Variants in NEGR1 observed in about 807,000 individuals in gnomAD.
NEGR1 encodes the protein neuronal growth regulator 1.
In NEGR1, 10 loss-of-function variants were observed where a neutral mutation model predicts 40.9. That is an observed-to-expected ratio of 0.24 (90% CI 0.15 to 0.42). The LOEUF (loss-of-function observed/expected upper bound fraction) is 0.42, where lower values mean the gene tolerates loss of function less well. NEGR1 is among the 10% of genes least tolerant of loss of function. The probability of loss-of-function intolerance (pLI) is 1.00; values close to 1 mark genes in which losing one functional copy is unlikely to be tolerated. For synonymous variants in NEGR1, 185 were observed against 166.8 expected, an observed-to-expected ratio of 1.11 and a Z score of -0.84; for missense variants, 352 against 438.9, an observed-to-expected ratio of 0.80 and a Z score of 1.77.
At chr1:71,953,183 A>T (rs1332160325) in intron 1 of NEGR1, among the ~76,000 whole-genome samples, 1 of 151,998 alleles carries the variant, frequency 6.6e-6, no homozygotes, top group Non-Finnish European at 1.5e-5. Flanking sequence ...TATTGTTTCC[A>T]CAGATAGTGA....
intron 4 of NEGR1, among the ~76,000 whole-genome samples, chr1:71,627,663 C>A (rs953871500): frequency 2.0e-5 from 3 of 151,998 alleles, no homozygotes; most frequent in African/African-American, 7.2e-5. Flanking sequence ...AAGAAAGACT[C>A]TTCATGTACA....
At chr1:71,627,110 T>C (rs1055797008) in intron 4 of NEGR1, among the ~76,000 whole-genome samples, 11 of 152,118 alleles carry the variant, frequency 7.2e-5, no homozygotes, top group Non-Finnish European at 1.6e-4. Flanking sequence ...GATCTAGAGC[T>C]AGAAATACCA....
At position 71,404,595 on chromosome 1, in the gene NEGR1, T is replaced by TC. The variant is rs1646266507; in HGVS notation, c.*2850_*2851insG. 2 of 151,088 alleles carry TC rather than the reference T, an allele frequency of 1.3e-5. No individual in the cohort carries two copies. Among genetic ancestry groups the TC allele is most frequent in the South Asian group, 2.1e-4 (1 of 4,782 alleles). 9.4% of individuals were successfully genotyped at this position (151,088 alleles called of 1,614,324 possible). A position where few individuals can be genotyped will look rare whatever the true frequency, so the allele number is the denominator to read the frequency against. Reference sequence around the variant, plus strand: ...TTCATTCCTTCCATCCTTCCTTTTTTTCCCTCTTTACTGCCTTTCCTTTTC... The same window carrying TC: ...TTCATTCCTTCCATCCTTCCTTTTTTCTCCCTCTTTACTGCCTTTCCTTTTC... On this transcript the variant is annotated 3_prime_UTR_variant, in exon 7 of 7. Coordinates refer to ENST00000357731, the MANE Select transcript of NEGR1 (RefSeq NM_173808.3).
chr1:71,738,348 C>A, intron 3 of NEGR1: 2 of 231,886 alleles, frequency 8.6e-6, no homozygotes, highest in South Asian at 8.1e-5. Flanking sequence ...AGAAACATCC[C>A]CAGTGACAAC....
At chr1:72,139,093 A>T (rs1295782355) in intron 1 of NEGR1, among the ~76,000 whole-genome samples, 2 of 37,978 alleles carry the variant, frequency 5.3e-5, no homozygotes, top group Admixed American at 4.5e-4. Context: ...TAAATAGCTC[A>T]TGAGTCAAAA....
intron 3 of NEGR1, among the ~76,000 whole-genome samples, chr1:71,733,087 T>TTC (rs397974786): frequency 5.3e-5 from 8 of 151,410 alleles, no homozygotes; most frequent in African/African-American, 1.9e-4. Context: ...TTTTTTTTTT[T>TTC]CCTACAGATC....
In NEGR1 at chr1:71,707,645, G is replaced by A. The variant is rs538045627; in HGVS notation, c.536-9506C>T. Among the ~76,000 whole-genome samples, 18 of 152,256 alleles carry A rather than the reference G, an allele frequency of 1.2e-4. No homozygotes were observed. The East Asian group carries it at 2.5e-3, about 21-fold the overall frequency. On this transcript the variant is annotated intron_variant, in intron 3 of 6. Coordinates refer to ENST00000357731, the MANE Select transcript of NEGR1 (RefSeq NM_173808.3). ...GCTGACTATAGAGCCCCAGGGCTGT[G>A]AGTGAACACAGGCGGTAGCCAGGGA...
At chr1:71,621,321 T>A (rs2101553375) in intron 4 of NEGR1, among the ~76,000 whole-genome samples, 1 of 151,940 alleles carries the variant, frequency 6.6e-6, no homozygotes, top group Non-Finnish European at 1.5e-5. Context: ...ATAAGAGGCT[T>A]GGGTTCAATG....
chr1:72,142,574 G>T (rs1023730235), intron 1 of NEGR1, among the ~76,000 whole-genome samples: 1 of 151,690 alleles, frequency 6.6e-6, no homozygotes, highest in African/African-American at 2.4e-5. Context: ...TAGACAGATA[G>T]TGATAGAACA....
intron 1 of NEGR1, among the ~76,000 whole-genome samples, chr1:72,038,458 A>C (rs888819398): frequency 1.3e-5 from 2 of 152,040 alleles, no homozygotes; most frequent in Non-Finnish European, 2.9e-5. Flanking sequence ...GTTACTCAGT[A>C]AGAAAGGTTA....
chr1:72,253,892 T>G (rs1655181290), intron 1 of NEGR1, among the ~76,000 whole-genome samples: 1 of 152,214 alleles, frequency 6.6e-6, no homozygotes, highest in Non-Finnish European at 1.5e-5. Flanking sequence ...AGACACTAAC[T>G]GAAGCTGAAA....
At chr1:71,705,372 A>G (rs1653853124) in intron 3 of NEGR1, among the ~76,000 whole-genome samples, 1 of 152,226 alleles carries the variant, frequency 6.6e-6, no homozygotes, top group Non-Finnish European at 1.5e-5. Context: ...AGAAAGCAAA[A>G]CTATATAAGA....
intron 1 of NEGR1, among the ~76,000 whole-genome samples, chr1:72,224,577 C>CA (rs1173466648): frequency 1.3e-5 from 2 of 152,084 alleles, no homozygotes; most frequent in Non-Finnish European, 2.9e-5. Context: ...TGTAAGCTTG[C>CA]ATGTCGGAAT....
intron 2 of NEGR1, among the ~76,000 whole-genome samples, chr1:71,874,359 T>C (rs1277811721): frequency 6.6e-6 from 1 of 152,156 alleles, no homozygotes; most frequent in Non-Finnish European, 1.5e-5. Context: ...GGACATAAAA[T>C]AAAAATGCAT....
At chr1:72,175,887 AT>A (rs1244337585) in intron 1 of NEGR1, among the ~76,000 whole-genome samples, 1 of 152,140 alleles carries the variant, frequency 6.6e-6, no homozygotes, top group African/African-American at 2.4e-5. Flanking sequence ...AGGCATGGAC[AT>A]TATAAATAAA....
intron 1 of NEGR1, among the ~76,000 whole-genome samples, chr1:72,014,445 C>T (rs960017887): frequency 1.3e-5 from 2 of 151,866 alleles, no homozygotes; most frequent in Admixed American, 6.6e-5. Context: ...TTGAAAAATG[C>T]TTTCTTAGAT....
intron 6 of NEGR1, 118 bp from the exon 7 acceptor site, chr1:71,407,688 CTG>C: frequency 2.2e-6 from 2 of 894,120 alleles, no homozygotes; most frequent in Non-Finnish European, 3.5e-6. Context: ...GTCAGACAGA[CTG>C]AAGTTCATAT....
chr1:71,761,378 T>A (rs890253162), intron 3 of NEGR1, among the ~76,000 whole-genome samples: 2 of 152,196 alleles, frequency 1.3e-5, no homozygotes, highest in Admixed American at 1.3e-4. Flanking sequence ...AGGCTTTAAG[T>A]TGCTAATCCA....
rs556504588 is a variant in NEGR1 at position 71,706,311 on chromosome 1, G to T, written c.536-8172C>A. Among the ~76,000 whole-genome samples the T allele has an allele frequency of 3.6e-4, 55 of 152,296 alleles. 1 individual carries two copies. In the South Asian group the frequency reaches 5.0e-3, roughly 14 times the overall value. On this transcript the variant is annotated intron_variant, in intron 3 of 6. Coordinates refer to ENST00000357731, the MANE Select transcript of NEGR1 (RefSeq NM_173808.3). ...AACCAGCCCTAGCCAGAGGGGAATTGCCAGTCCAAGTGGTTTGAATTTGAG... is the reference window on the plus strand; with the variant it reads ...AACCAGCCCTAGCCAGAGGGGAATTTCCAGTCCAAGTGGTTTGAATTTGAG...
Sources: gnomAD v4.1 joint callset for allele counts (sites outside exome capture counted in the v4.1 genomes callset) on GRCh38, gnomAD v4.1.1 for gene constraint, MANE v1.5 for transcripts, NCBI Gene and HGNC (gene_info 2026-07-23, HGNC 2026-07-21) for gene names.